PMPCA: variants seen among roughly 807,000 people sequenced by gnomAD.
PMPCA encodes peptidase, mitochondrial processing subunit alpha.
PMPCA carries 47 observed loss-of-function variants against 59.3 expected under a neutral mutation model. The observed-to-expected ratio is 0.79, with a 90% CI of 0.63 to 1.01. The LOEUF (loss-of-function observed/expected upper bound fraction) is 1.01. Among genes scored for constraint, PMPCA ranks in the 50% least tolerant of loss-of-function variants. PMPCA has a pLI of 0.00. For synonymous variants in PMPCA, 338 were observed against 290.3 expected (o/e 1.16, Z -1.67); for missense variants, 726 against 704.5 (o/e 1.03, Z -0.34).
intron 7 of PMPCA, 95 bp from the exon 8 acceptor site, chr9:136,417,922 T>G: frequency 1.1e-6 from 1 of 925,224 alleles, no homozygotes; most frequent in Non-Finnish European, 1.8e-6. Context: ...TGGCATTGGA[T>G]TTCTGTGTAA....
At chr9:136,415,432 T>C (rs1334140767) in intron 5 of PMPCA, among the ~76,000 whole-genome samples, 1 of 152,230 alleles carries the variant, frequency 6.6e-6, no homozygotes, top group African/African-American at 2.4e-5. Context: ...CATTTCACTG[T>C]TTCCATTACC....
chr9:136,413,677 C>T (rs1231636122), intron 4 of PMPCA, among the ~76,000 whole-genome samples: 1 of 152,162 alleles, frequency 6.6e-6, no homozygotes, highest in Non-Finnish European at 1.5e-5. Flanking sequence ...CGACTCTTGC[C>T]TCGAATCTCA....
Position 136,418,618 on chromosome 9 carries a change from G to A in PMPCA, c.1054G>A (p.Ala352Thr), listed in dbSNP as rs139245364. ...MMMGGGGSFS[A>T]GGPGKGMFSR... Reference sequence around the variant, plus strand: ...GATGGGCGGAGGTGGCTCCTTCTCGGCTGGTGGGCCCGGCAAGGGCATGTT... The same window carrying A: ...GATGGGCGGAGGTGGCTCCTTCTCGACTGGTGGGCCCGGCAAGGGCATGTT... Residue 352 changes from alanine (A) to threonine (T), a missense_variant, in exon 9 of 13, where the codon GCT becomes ACT. Physicochemically the swap from Ala to Thr is moderately conservative, Grantham distance 58. Coordinates refer to ENST00000371717, the MANE Select transcript of PMPCA (RefSeq NM_015160.3). The A allele has an allele frequency of 6.2e-7, 1 of 1,614,022 alleles. No homozygotes were observed. The highest frequency in any genetic ancestry group is 8.5e-7 in the Non-Finnish European group (1 of 1,179,882).
chr9:136,412,922 T>G (rs1359961181), intron 4 of PMPCA, 30 bp downstream of exon 4: 2 of 1,268,906 alleles, frequency 1.6e-6, no homozygotes, highest in Non-Finnish European at 2.3e-6. Context: ...CAAACTGACT[T>G]TGGGTCCTTG....
intron 11 of PMPCA, chr9:136,419,491 G>A (rs1029892732): frequency 8.2e-6 from 3 of 365,582 alleles, no homozygotes; most frequent in African/African-American, 6.2e-5. Context: ...GGTGACTGGG[G>A]TGAAGCAGCT....
chr9:136,412,905 T>TTGTG lies in PMPCA; in HGVS notation c.437+15_437+18dup, dbSNP rs1375496115. Reference sequence around the variant, plus strand: ...GCCAGACATCAAGGTACACCAGCTTTTGTGTACAAACTGACTTTGGGTCCT... The same window carrying TTGTG: ...GCCAGACATCAAGGTACACCAGCTTTTGTGTGTGTACAAACTGACTTTGGGTCCT... On this transcript the variant is annotated intron_variant, in intron 4 of 12. Transcript: ENST00000371717. 6.6e-7 allele frequency: 1 copy of TTGTG among 1,513,750 alleles called. No individual in the cohort carries two copies. The highest frequency in any genetic ancestry group is 1.1e-5 in the South Asian group (1 of 88,178). The allele number at this position is 1,513,750 out of a possible 1,614,324, so 93.8% of individuals were successfully genotyped here. A position where few individuals can be genotyped will look rare whatever the true frequency, so the allele number is the denominator to read the frequency against.
In PMPCA at chr9:136,412,861, C is replaced by G; in HGVS notation, c.406C>G (p.His136Asp). 1 of 1,608,578 alleles carries G rather than the reference C, an allele frequency of 6.2e-7. No individual in the cohort carries two copies. The highest frequency in any genetic ancestry group is 8.5e-7 in the Non-Finnish European group (1 of 1,175,058). Residue 136 changes from histidine to aspartate, a missense_variant, in exon 4 of 13, where the codon CAT becomes GAT. Physicochemically the swap from His to Asp is moderately conservative, Grantham distance 81 (BLOSUM62 -1). Transcript: ENST00000371717. The part of the protein sequence containing the change: ...KDEILLTLEK[H>D]GGICDCQTSR... ...TGAAATTCTGCTTACGTTGGAAAAGCATGGGGGTATCTGTGACTGCCAGAC... is the reference window on the plus strand; with the variant it reads ...TGAAATTCTGCTTACGTTGGAAAAGGATGGGGGTATCTGTGACTGCCAGAC...
rs763357088 is a variant in PMPCA at position 136,418,907 on chromosome 9, G to C, written c.1189G>C (p.Asp397His). Residue 397 changes from aspartate to histidine, a missense_variant, in exon 10 of 13, where the codon GAC becomes CAC. By Grantham distance (81) the Asp-to-His change is moderately conservative. Coordinates refer to ENST00000371717, the MANE Select transcript of PMPCA (RefSeq NM_015160.3). ...TGLLCIHASA[D>H]PRQVREMVEI... ...CCTCCTTTGCATCCATGCCAGCGCC[G>C]ACCCAAGACAGGTGAGGGCCCCGCC... 1.9e-6 allele frequency: 3 copies of C among 1,613,628 alleles called. No individual in the cohort carries two copies. The highest frequency in any genetic ancestry group is 2.2e-5 in the South Asian group (2 of 91,078).
At chr9:136,415,832 A>G (rs1835258171) in intron 5 of PMPCA, among the ~76,000 whole-genome samples, 2 of 152,156 alleles carry the variant, frequency 1.3e-5, no homozygotes, top group Admixed American at 6.5e-5. Context: ...GGGGTTTCAC[A>G]GTGCTGGCCA....
Position 136,423,424 on chromosome 9 carries a change from C to T in PMPCA, c.*160C>T, listed in dbSNP as rs1244379637. The T allele has an allele frequency of 2.8e-6, 2 of 703,474 alleles. No individual in the cohort carries two copies. Among genetic ancestry groups the T allele is most frequent in the Non-Finnish European group, 4.7e-6 (2 of 429,220 alleles). The allele number at this position is 703,474 out of a possible 1,614,324, so 43.6% of individuals were successfully genotyped here. ...ACGCGGTTTGCATTCTTTTGGAACT[C>T]AATGTGCCGATCAGTGGAGTCAGTA... On this transcript the variant is annotated 3_prime_UTR_variant, in exon 13 of 13. Transcript: ENST00000371717.
At chr9:136,413,848 A>G (rs1356394022) in intron 4 of PMPCA, among the ~76,000 whole-genome samples, 1 of 152,220 alleles carries the variant, frequency 6.6e-6, no homozygotes, top group Non-Finnish European at 1.5e-5. Flanking sequence ...GGTCCAGCCA[A>G]GTCCCCTCTT....
In PMPCA at chr9:136,419,076, G is replaced by GT; in HGVS notation, c.1236dup (p.Ile413TyrfsTer71). 6.2e-7 allele frequency: 1 copy of GT among 1,614,146 alleles called. No individual in the cohort carries two copies. The highest frequency in any genetic ancestry group is 8.5e-7 in the Non-Finnish European group (1 of 1,179,918). On this transcript the variant is annotated frameshift_variant, in exon 11 of 13. Transcript: ENST00000371717. LOFTEE classifies it high-confidence loss of function. The stretch of plus-strand genomic sequence containing the variant: ...AAATGGTAGAAATCATCACAAAGGA[G>GT]TTTATTTTAATGGGCGGAACCGTGG...
chr9:136,418,752 G>T, intron 9 of PMPCA, 76 bp from the exon 10 acceptor site: 1 of 1,500,744 alleles, frequency 6.7e-7, no homozygotes, highest in East Asian at 2.3e-5. Flanking sequence ...CCACCTTCCA[G>T]GTGACTTTTC....
At chr9:136,420,824 GCTTATGC>G (rs1835427629) in intron 11 of PMPCA, 1 of 152,120 alleles carries the variant, frequency 6.6e-6, no homozygotes, top group Non-Finnish European at 1.5e-5. Flanking sequence ...AGGTCCGGTG[GCTTATGC>G]CTGTTTTCCC....
chr9:136,417,759 G>A (rs1016910173), intron 7 of PMPCA, among the ~76,000 whole-genome samples: 1 of 150,648 alleles, frequency 6.6e-6, no homozygotes, highest in Non-Finnish European at 1.5e-5. Flanking sequence ...CAGCTTATAT[G>A]TATATACATA....
Position 136,410,977 on chromosome 9 carries a change from C to T in PMPCA, c.71+238C>T, listed in dbSNP as rs1835086597. On this transcript the variant is annotated intron_variant, in intron 1 of 12. Coordinates refer to ENST00000371717, the MANE Select transcript of PMPCA (RefSeq NM_015160.3). Reference sequence around the variant, plus strand: ...TGGGTCCTCTCCCCCCCTCACTTCCCGGGTCGACGGGCCTTCTCCGAGGCC... The same window carrying T: ...TGGGTCCTCTCCCCCCCTCACTTCCTGGGTCGACGGGCCTTCTCCGAGGCC... The T allele has an allele frequency of 1.3e-5, 5 of 392,234 alleles. No individual in the cohort carries two copies. In the East Asian group the frequency reaches 1.8e-4, roughly 14 times the overall value. The allele number at this position is 392,234 out of a possible 1,614,324, so 24.3% of individuals were successfully genotyped here.
At chr9:136,411,927 C>G in intron 1 of PMPCA, 70 bp from the exon 2 acceptor site, 1 of 859,206 alleles carries the variant, frequency 1.2e-6, no homozygotes, top group Non-Finnish European at 2.0e-6. Context: ...CATAACTAAC[C>G]GCACCTAACA....
chr9:136,421,728 TG>T, intron 11 of PMPCA, 103 bp from the exon 12 acceptor site: 1 of 1,124,516 alleles, frequency 8.9e-7, no homozygotes, highest in Non-Finnish European at 1.3e-6. Context: ...CCCTTTCTTA[TG>T]TTCAGCTTTG....
chr9:136,419,035 T>TC lies in PMPCA; in HGVS notation c.1201-8dup. ...GGCCACACTGTTATCGTCTTGCCCT[T>TC]CTTCGCAGGTTCGAGAAATGGTAGA... On this transcript the variant is annotated splice_polypyrimidine_tract_variant and intron_variant, in intron 10 of 12. Coordinates refer to ENST00000371717, the MANE Select transcript of PMPCA (RefSeq NM_015160.3). 6.2e-7 allele frequency: 1 copy of TC among 1,613,694 alleles called. No individual in the cohort carries two copies. Among genetic ancestry groups the TC allele is most frequent in the African/African-American group, 1.3e-5 (1 of 75,042 alleles).
Sources: gnomAD v4.1 joint callset for allele counts (sites outside exome capture counted in the v4.1 genomes callset) on GRCh38, gnomAD v4.1.1 for gene constraint, MANE v1.5 for transcripts, NCBI Gene and HGNC (gene_info 2026-07-23, HGNC 2026-07-21) for gene names.